Variants in SIK3 observed in about 807,000 individuals in gnomAD.
SIK3 encodes SIK family kinase 3.
In SIK3, 28 loss-of-function variants were observed where a neutral mutation model predicts 144.2. The observed-to-expected ratio is 0.19, with a 90% CI of 0.14 to 0.27. The LOEUF is 0.27. Ranked by LOEUF, SIK3 falls within the 10% of genes least tolerant of loss-of-function variation. The pLI is 1.00. For missense variants in SIK3, 1,319 were observed against 1,776.0 expected, an observed-to-expected ratio of 0.74 and a Z score of 4.62; for synonymous variants, 686 against 676.3, an observed-to-expected ratio of 1.01 and a Z score of -0.22.
chr11:116,887,396 C>G (rs552048101), intron 6 of SIK3, among the ~76,000 whole-genome samples: 51 of 151,778 alleles, frequency 3.4e-4, no homozygotes, highest in African/African-American at 1.2e-3. Flanking sequence ...GCGGGCAGAT[C>G]ACTTGAGGCC....
At chr11:117,031,462 A>C (rs939022511) in intron 1 of SIK3, among the ~76,000 whole-genome samples, 2 of 150,938 alleles carry the variant, frequency 1.3e-5, no homozygotes, top group Admixed American at 6.6e-5. Context: ...CATCTTTATC[A>C]AAAATCAGTT....
rs757786290 is a variant in SIK3, at chr11:116,858,557, C to T, written c.2908G>A (p.Val970Ile). Reference sequence around the variant, plus strand: ...GTGGGGAATTGGTCAAGTGGAGGGACTTTCAGGGCTTGGGTTGGAGAGAAC... The same window carrying T: ...GTGGGGAATTGGTCAAGTGGAGGGATTTTCAGGGCTTGGGTTGGAGAGAAC... ...VGFSPTQALK[V>I]PPLDQFPTFP... is the part of the protein sequence containing the mutation. The change falls in exon 21 of 25, where the codon GTC becomes ATC. Residue 970 changes from valine to isoleucine, a missense_variant. Around this residue, in one of 8 missense-constraint regions of SIK3, gnomAD observed 646 missense variants for 763.7 expected, o/e 0.85. Transcript: ENST00000445177. This position sits in a 1 kb window ranked among gnomAD's most constrained non-coding sequence, Gnocchi z 5.4. 5 of 1,613,736 alleles carry T rather than the reference C, an allele frequency of 3.1e-6. No individual in the cohort carries two copies. In the East Asian group the frequency reaches 1.1e-4, roughly 36 times the overall value.
chr11:116,882,239 C>A lies in SIK3; in HGVS notation c.866-5197G>T, dbSNP rs535066379. Among the ~76,000 whole-genome samples, 135 of 152,282 alleles carry A rather than the reference C, an allele frequency of 8.9e-4. 1 individual carries two copies. The highest frequency in any genetic ancestry group is 3.2e-3 in the African/African-American group (132 of 41,574). On this transcript the variant is annotated intron_variant, in intron 6 of 24. Transcript: ENST00000445177. ...TTAATGAGGCAGGGACATGAGAACA[C>A]TAAATGGGGAGCGTTGTCTTATTCA... is the stretch of plus-strand genomic sequence containing the variant.
intron 7 of SIK3, among the ~76,000 whole-genome samples, chr11:116,876,574 T>C (rs540745082): frequency 2.6e-5 from 4 of 152,260 alleles, no homozygotes; most frequent in South Asian, 2.1e-4. Context: ...GGCATGGCCA[T>C]AGTGGTTTAA....
chr11:117,024,967 T>C (rs1033392478), intron 1 of SIK3, among the ~76,000 whole-genome samples: 24 of 151,952 alleles, frequency 1.6e-4, no homozygotes, highest in African/African-American at 4.4e-4. Flanking sequence ...TTCTACCCCA[T>C]TCTTTAAAAA....
Position 117,088,388 on chromosome 11 carries a change from G to A in SIK3, c.273+9755C>T, listed in dbSNP as rs142762116. Among the ~76,000 whole-genome samples the A allele has an allele frequency of 1.2e-3, 184 of 152,166 alleles. No homozygotes were observed. The Middle Eastern group carries it at 0.041, about 34-fold the overall frequency. Reference sequence around the variant, plus strand: ...GAAAAGCTGTGAAATCTCCTTACTCGGAGATTTGTGAGAAAAAGGTAGAAA... The same window carrying A: ...GAAAAGCTGTGAAATCTCCTTACTCAGAGATTTGTGAGAAAAAGGTAGAAA... On this transcript the variant is annotated intron_variant, in intron 1 of 24. Coordinates refer to ENST00000445177, the MANE Select transcript of SIK3 (RefSeq NM_001366686.3).
At chr11:116,868,371 C>A (rs1263448375) in intron 14 of SIK3, among the ~76,000 whole-genome samples, 1 of 152,224 alleles carries the variant, frequency 6.6e-6, no homozygotes, top group South Asian at 2.1e-4. Flanking sequence ...CTTTTCCTTG[C>A]TTCATTCTAC....
intron 4 of SIK3, among the ~76,000 whole-genome samples, chr11:116,919,447 A>G (rs1026635671): frequency 1.4e-4 from 21 of 152,184 alleles, no homozygotes; most frequent in African/African-American, 5.1e-4. Flanking sequence ...TTGCCAACTA[A>G]AACAATAACA....
intron 21 of SIK3, among the ~76,000 whole-genome samples, chr11:116,850,488 T>C (rs1180825862): frequency 6.6e-6 from 1 of 152,270 alleles, no homozygotes; most frequent in Non-Finnish European, 1.5e-5. Flanking sequence ...CTATTGTTTT[T>C]ATTAAACTTT....
intron 1 of SIK3, among the ~76,000 whole-genome samples, chr11:117,034,452 A>G (rs889980003): frequency 1.3e-5 from 2 of 152,210 alleles, no homozygotes; most frequent in African/African-American, 4.8e-5. Flanking sequence ...TTTATTTGTA[A>G]AACACGATGC....
At chr11:116,957,287 T>G (rs187407944) in intron 1 of SIK3, among the ~76,000 whole-genome samples, 55 of 152,330 alleles carry the variant, frequency 3.6e-4, no homozygotes, top group Non-Finnish European at 6.5e-4. Flanking sequence ...CTAATGGGTC[T>G]TCTGCCATTT....
chr11:117,008,315 T>A (rs1951128354), intron 1 of SIK3, among the ~76,000 whole-genome samples: 1 of 152,152 alleles, frequency 6.6e-6, no homozygotes. Context: ...GTAATATTAT[T>A]CCATTTCATA....
At chr11:116,990,693 G>C (rs1050260108) in intron 1 of SIK3, among the ~76,000 whole-genome samples, 1 of 152,068 alleles carries the variant, frequency 6.6e-6, no homozygotes, top group Non-Finnish European at 1.5e-5. Context: ...TATTACCTTT[G>C]TGTCCTTGGG....
chr11:116,848,731 G>A (rs1378879067), intron 22 of SIK3, among the ~76,000 whole-genome samples: 3 of 152,196 alleles, frequency 2.0e-5, no homozygotes, highest in Non-Finnish European at 2.9e-5. Flanking sequence ...ATGCTCTTAA[G>A]GTAGGCGAAT....
At chr11:116,965,734 A>AATATATATATATATATATAT (rs58587995) in intron 1 of SIK3, among the ~76,000 whole-genome samples, 15 of 118,372 alleles carry the variant, frequency 1.3e-4, no homozygotes, top group African/African-American at 3.3e-4. Flanking sequence ...TCTCTGCTAA[A>AATATATATATATATATATAT]ATATATATAT....
chr11:117,013,967 C>CTTTTTTTTTTTT (rs1951406146), intron 1 of SIK3, among the ~76,000 whole-genome samples: 12 of 7,368 alleles, frequency 1.6e-3, no homozygotes, highest in Non-Finnish European at 2.6e-3. Context: ...TTCTTTTTTT[C>CTTTTTTTTTTTT]TTTTCTTTTT....
intron 1 of SIK3, among the ~76,000 whole-genome samples, chr11:117,076,979 GAC>G (rs1322697214): frequency 1.3e-5 from 2 of 152,170 alleles, no homozygotes; most frequent in Non-Finnish European, 2.9e-5. Context: ...AACAAACCGA[GAC>G]ACTGTCTATA....
At position 117,056,637 on chromosome 11, in the gene SIK3, A is replaced by G. The variant is rs1167422473; in HGVS notation, c.273+41506T>C. Among the ~76,000 whole-genome samples the G allele has an allele frequency of 3.3e-5, 5 of 152,034 alleles. No individual in the cohort carries two copies. The East Asian group carries it at 9.7e-4, about 29-fold the overall frequency. On this transcript the variant is annotated intron_variant, in intron 1 of 24. Transcript: ENST00000445177. ...AGAAGTGGCAGAATGGGATCAGGAC[A>G]GTGCAGGTGAACACACAGAGCTTCT...
chr11:116,894,633 A>G (rs1371238740), intron 6 of SIK3, among the ~76,000 whole-genome samples: 5 of 152,200 alleles, frequency 3.3e-5, no homozygotes, highest in African/African-American at 1.2e-4. Flanking sequence ...AAAATTGCCT[A>G]ATCTCTCCTG....
Sources: gnomAD v4.1 joint callset for allele counts (sites outside exome capture counted in the v4.1 genomes callset) on GRCh38, gnomAD v4.1.1 for gene constraint, gnomAD v4.1.1 regional missense constraint, Gnocchi (gnomAD v3.1) non-coding constraint, MANE v1.5 for transcripts, NCBI Gene and HGNC (gene_info 2026-07-23, HGNC 2026-07-21) for gene names.